PTPRD: variants seen among roughly 807,000 people sequenced by gnomAD.
The protein encoded by PTPRD is receptor-type tyrosine-protein phosphatase delta.
PTPRD carries 34 observed loss-of-function variants against 214.5 expected under a neutral mutation model. That is an observed-to-expected ratio of 0.16 (90% CI 0.12 to 0.21). The LOEUF (loss-of-function observed/expected upper bound fraction) is 0.21, where lower values mean the gene tolerates loss of function less well. Ranked by LOEUF, PTPRD falls within the 10% of genes least tolerant of loss-of-function variation. The pLI is 1.00. For synonymous variants in PTPRD, 1,128 were observed against 845.7 expected (o/e 1.33, Z -5.79); for missense variants, 2,545 against 2,398.7 (o/e 1.06, Z -1.27).
intron 11 of PTPRD, among the ~76,000 whole-genome samples, chr9:8,975,304 T>C (rs1382543114): frequency 6.6e-6 from 1 of 152,070 alleles, no homozygotes; most frequent in Non-Finnish European, 1.5e-5. Context: ...ACAATCACTT[T>C]GTTTCAAGAA....
chr9:9,049,237 T>C (rs1287595289), intron 10 of PTPRD, among the ~76,000 whole-genome samples: 1 of 152,210 alleles, frequency 6.6e-6, no homozygotes. Context: ...TTTCATCCTG[T>C]GCCTCTAGAA....
chr9:10,397,781 G>A (rs2154494236), intron 2 of PTPRD, among the ~76,000 whole-genome samples: 1 of 152,014 alleles, frequency 6.6e-6, no homozygotes, highest in African/African-American at 2.4e-5. Flanking sequence ...ATTTGAGCTG[G>A]AGGATGTGTA....
chr9:9,673,143 C>A (rs1028098486), intron 7 of PTPRD, among the ~76,000 whole-genome samples: 1 of 151,898 alleles, frequency 6.6e-6, no homozygotes, highest in African/African-American at 2.4e-5. Context: ...CAATATTACC[C>A]TTTTTATCAC....
intron 10 of PTPRD, among the ~76,000 whole-genome samples, chr9:9,108,117 T>C (rs1388202852): frequency 6.6e-6 from 1 of 152,180 alleles, no homozygotes; most frequent in Non-Finnish European, 1.5e-5. Context: ...TATCACGGAA[T>C]ACTATTTCCA....
intron 2 of PTPRD, among the ~76,000 whole-genome samples, chr9:10,565,194 A>C (rs1247058200): frequency 2.0e-5 from 3 of 152,130 alleles, no homozygotes; most frequent in African/African-American, 7.2e-5. Context: ...TTAAAGACAT[A>C]TTTCACCAAA....
chr9:9,361,845 T>C (rs1052912779), intron 9 of PTPRD, among the ~76,000 whole-genome samples: 9 of 151,146 alleles, frequency 6.0e-5, no homozygotes, highest in East Asian at 2.0e-4. Context: ...TACAACTATT[T>C]ATCAGGGCCT....
intron 5 of PTPRD, among the ~76,000 whole-genome samples, chr9:9,887,809 C>T (rs1257322460): frequency 1.3e-5 from 2 of 151,942 alleles, no homozygotes; most frequent in African/African-American, 4.8e-5. Context: ...TTTTAAAATA[C>T]TCTTTCGTAC....
intron 11 of PTPRD, among the ~76,000 whole-genome samples, chr9:8,788,826 G>A (rs568393107): frequency 6.6e-6 from 1 of 152,278 alleles, no homozygotes; most frequent in South Asian, 2.1e-4. Context: ...AGGAATTGAT[G>A]CAATGTGCAG....
At chr9:8,511,710 A>G (rs1396600464) in intron 21 of PTPRD, among the ~76,000 whole-genome samples, 1 of 152,006 alleles carries the variant, frequency 6.6e-6, no homozygotes, top group African/African-American at 2.4e-5. Context: ...AGAAGCAAAA[A>G]TTTTTCTTTA....
At chr9:9,903,675 C>T (rs986413226) in intron 5 of PTPRD, among the ~76,000 whole-genome samples, 6 of 152,024 alleles carry the variant, frequency 3.9e-5, no homozygotes, top group African/African-American at 1.2e-4. Context: ...TCTCTGTGGA[C>T]GTCCACAGTT....
At chr9:9,105,080 T>C (rs1031841645) in intron 10 of PTPRD, among the ~76,000 whole-genome samples, 1 of 152,182 alleles carries the variant, frequency 6.6e-6, no homozygotes, top group Non-Finnish European at 1.5e-5. Context: ...TTATGCAACA[T>C]TGTAGCAATT....
chr9:10,158,628 T>A (rs1003014099), intron 3 of PTPRD, among the ~76,000 whole-genome samples: 2 of 152,146 alleles, frequency 1.3e-5, no homozygotes, highest in East Asian at 3.9e-4. Context: ...TTCCCTGGGC[T>A]GCAGATAAAT....
At chr9:9,364,214 C>A (rs532260812) in intron 9 of PTPRD, among the ~76,000 whole-genome samples, 13 of 151,502 alleles carry the variant, frequency 8.6e-5, no homozygotes, top group African/African-American at 2.9e-4. Context: ...AGCTGCCTAA[C>A]ACAGTTTTAT....
chr9:9,576,409 T>C (rs72706539), intron 7 of PTPRD, among the ~76,000 whole-genome samples: 7,747 of 152,152 alleles, frequency 0.051, 244 homozygotes, highest in Middle Eastern at 0.16. Flanking sequence ...CCGGGCTCAT[T>C]TGTACAGTAT....
chr9:9,964,084 GCAGAGACAGACAAAGA>G (rs2094530747), intron 4 of PTPRD, among the ~76,000 whole-genome samples: 1 of 148,920 alleles, frequency 6.7e-6, no homozygotes, highest in East Asian at 2.1e-4. Flanking sequence ...AGAGACGGAG[GCAGAGACAGACAAAGA>G]CAGAGACAGA....
At chr9:8,847,851 A>C (rs2097729362) in intron 11 of PTPRD, among the ~76,000 whole-genome samples, 1 of 152,310 alleles carries the variant, frequency 6.6e-6, no homozygotes, top group East Asian at 1.9e-4. Context: ...AATTAACAAA[A>C]GTTTCTCAGA....
At chr9:9,481,699 C>T (rs764529511) in intron 8 of PTPRD, among the ~76,000 whole-genome samples, 50 of 151,604 alleles carry the variant, frequency 3.3e-4, no homozygotes, top group Non-Finnish European at 3.8e-4. Flanking sequence ...GCCTAGAGCT[C>T]GCAAATGTCA....
chr9:9,225,814 G>C (rs2099959082), intron 9 of PTPRD, among the ~76,000 whole-genome samples: 1 of 152,002 alleles, frequency 6.6e-6, no homozygotes, highest in South Asian at 2.1e-4. Context: ...GAAAGAACTA[G>C]ACAGTTTGAA....
At chr9:9,997,543 C>A (rs1187827858) in intron 4 of PTPRD, among the ~76,000 whole-genome samples, 1 of 152,140 alleles carries the variant, frequency 6.6e-6, no homozygotes, top group Non-Finnish European at 1.5e-5. Flanking sequence ...CCCACCTCAG[C>A]CTCCCAAAGT....
Sources: gnomAD v4.1 joint callset for allele counts (sites outside exome capture counted in the v4.1 genomes callset) on GRCh38, gnomAD v4.1.1 for gene constraint, MANE v1.5 for transcripts, NCBI Gene and HGNC (gene_info 2026-07-23, HGNC 2026-07-21) for gene names.